The following STAB1 variants were observed in gnomAD, a reference collection of about 807,000 sequenced individuals.
STAB1 encodes stabilin 1.
STAB1 carries 250 observed loss-of-function variants against 332.4 expected under a neutral mutation model. The observed-to-expected ratio is 0.75, with a 90% CI of 0.68 to 0.84. The LOEUF is 0.84. STAB1 is among the 40% of genes least tolerant of loss of function. STAB1 has a pLI of 0.00. For synonymous variants in STAB1, 1,475 were observed against 1,390.4 expected (o/e 1.06, Z -1.35); for missense variants, 3,249 against 3,489.7 (o/e 0.93, Z 1.74).
chr3:52,517,330 C>T lies in STAB1; in HGVS notation c.4500C>T (p.Ser1500=). ...GDGELCQEIN[S]CLIHHGGCHI... is the part of the protein sequence containing the mutation. ...TGTCTCTTCCCCCAGAAATTAACAG[C>T]TGTCTCATCCACCACGGGGGCTGCC... The change falls in exon 43 of 69, where the codon AGC becomes AGT. Residue 1500 remains serine, a synonymous_variant. Transcript: ENST00000321725. 1 of 1,587,388 alleles carries T rather than the reference C, an allele frequency of 6.3e-7. No individual in the cohort carries two copies. The highest frequency in any genetic ancestry group is 8.6e-7 in the Non-Finnish European group (1 of 1,169,348).
Position 52,518,301 on chromosome 3 carries a change from C to T in STAB1, c.4762-11C>T, listed in dbSNP as rs753111530. On this transcript the variant is annotated splice_polypyrimidine_tract_variant and intron_variant, in intron 45 of 68. Transcript: ENST00000321725. Reference sequence around the variant, plus strand: ...GCCGCCCCAAATCTGAGCTGACCCTCGCCCCCCCAGGAGCTCCTGAGGGAT... The same window carrying T: ...GCCGCCCCAAATCTGAGCTGACCCTTGCCCCCCCAGGAGCTCCTGAGGGAT... The T allele has an allele frequency of 5.0e-6, 8 of 1,612,518 alleles. No homozygotes were observed. The Admixed American group carries it at 6.7e-5, about 13-fold the overall frequency.
intron 10 of STAB1, 97 bp downstream of exon 10, chr3:52,504,252 C>T: frequency 6.6e-7 from 1 of 1,510,442 alleles, no homozygotes; most frequent in Non-Finnish European, 8.9e-7. Flanking sequence ...AGTTTCTCTG[C>T]CCAGGGCTGT....
Position 52,501,659 on chromosome 3 carries a change from C to A in STAB1, c.237C>A (p.Gly79=). The A allele has an allele frequency of 6.4e-7, 1 of 1,569,870 alleles. No homozygotes were observed. Among genetic ancestry groups the A allele is most frequent in the Non-Finnish European group, 8.6e-7 (1 of 1,158,380 alleles). The change falls in exon 3 of 69, where the codon GGC becomes GGA. Residue 79 remains glycine (G), a synonymous_variant. Transcript: ENST00000321725. ...QDCRYEVQLG[G]SMVSMSGCRR... ...CCAGCTACGAAGTACAGCTGGGGGGCTCTATGGTGTCCATGAGCGGCTGCA... is the reference window on the plus strand; with the variant it reads ...CCAGCTACGAAGTACAGCTGGGGGGATCTATGGTGTCCATGAGCGGCTGCA...
At position 52,522,342 on chromosome 3, in the gene STAB1, TG is replaced by T; in HGVS notation, c.6479del (p.Cys2160LeufsTer8). ...CLSTGLNTRR[C>X]ECHAGYVGDG... is the part of the protein sequence containing the mutation. ...TCTCCAACCCCAGAACACACGGCGC[TG>T]TGAGTGCCACGCAGGCTACGTAGGC... On this transcript the variant is annotated frameshift_variant, in exon 60 of 69. Coordinates refer to ENST00000321725, the MANE Select transcript of STAB1 (RefSeq NM_015136.3). LOFTEE classifies it high-confidence loss of function. The T allele has an allele frequency of 6.2e-7, 1 of 1,612,958 alleles. No homozygotes were observed. Among genetic ancestry groups the T allele is most frequent in the Non-Finnish European group, 8.5e-7 (1 of 1,179,996 alleles).
Position 52,520,622 on chromosome 3 carries a change from T to C in STAB1, c.5650-20T>C. 13 of 1,612,842 alleles carry C rather than the reference T, an allele frequency of 8.1e-6. No individual in the cohort carries two copies. Among genetic ancestry groups the C allele is most frequent in the Non-Finnish European group, 1.1e-5 (13 of 1,180,000 alleles). On this transcript the variant is annotated intron_variant, in intron 53 of 68. Coordinates refer to ENST00000321725, the MANE Select transcript of STAB1 (RefSeq NM_015136.3). ...TGTCCATCCACCTGACTTTGCTGTA[T>C]TGGCCTCCCTCCCTTCCAGAACACC...
At chr3:52,512,059 T>C (rs1709335079) in intron 26 of STAB1, among the ~76,000 whole-genome samples, 1 of 152,260 alleles carries the variant, frequency 6.6e-6, no homozygotes, top group African/African-American at 2.4e-5. Context: ...TAGCTCCTCC[T>C]GCTCTCAGCT....
intron 25 of STAB1, 127 bp from the exon 26 acceptor site, chr3:52,511,523 G>A (rs1709296375): frequency 2.8e-6 from 2 of 723,966 alleles, no homozygotes; most frequent in Non-Finnish European, 4.5e-6. Flanking sequence ...GAGGAGGGCT[G>A]GGAGAAGTTC....
rs1308708001 is a variant in STAB1 at position 52,518,868 on chromosome 3, A to G, written c.5033A>G (p.Glu1678Gly). The change falls in exon 48 of 69, where the codon GAG becomes GGG. Residue 1678 changes from glutamate to glycine, a missense_variant and splice_region_variant. By Grantham distance (98) the Glu-to-Gly change is moderately conservative (BLOSUM62 -2). Coordinates refer to ENST00000321725, the MANE Select transcript of STAB1 (RefSeq NM_015136.3). ...SGHPLRFSER[E>G]GSIYLNDFAR... ...CACCCACTGCGCTTCAGCGAGAGGG[A>G]GGTGAGCCCTGGCCCTGGCCTGCCC... is the stretch of plus-strand genomic sequence containing the variant. 2 of 1,576,214 alleles carry G rather than the reference A, an allele frequency of 1.3e-6. No homozygotes were observed. The highest frequency in any genetic ancestry group is 1.4e-5 in the African/African-American group (1 of 73,634).
In STAB1 at chr3:52,521,507, C is replaced by G. The variant is rs764395083; in HGVS notation, c.6055C>G (p.Gln2019Glu). ...CAPGAFGPHC[Q>E]ACRCTVHGRC... ...TCCTGGTGCCTTTGGGCCCCATTGTCAAGGTGGGCCATCCCTGCCTGCCCC... is the reference window on the plus strand; with the variant it reads ...TCCTGGTGCCTTTGGGCCCCATTGTGAAGGTGGGCCATCCCTGCCTGCCCC... The change falls in exon 56 of 69, where the codon CAA becomes GAA. Residue 2019 changes from glutamine to glutamate, a missense_variant. Physicochemically the swap from Gln to Glu is conservative, Grantham distance 29. Coordinates refer to ENST00000321725, the MANE Select transcript of STAB1 (RefSeq NM_015136.3). The G allele has an allele frequency of 9.3e-6, 15 of 1,613,882 alleles. No individual in the cohort carries two copies.
chr3:52,511,636 C>T lies in STAB1; in HGVS notation c.2788-14C>T. 6.2e-7 allele frequency: 1 copy of T among 1,605,684 alleles called. No individual in the cohort carries two copies. Among genetic ancestry groups the T allele is most frequent in the Non-Finnish European group, 8.5e-7 (1 of 1,175,500 alleles). On this transcript the variant is annotated splice_polypyrimidine_tract_variant and intron_variant, in intron 25 of 68. Coordinates refer to ENST00000321725, the MANE Select transcript of STAB1 (RefSeq NM_015136.3). ...TCATCATGAGACAAGGCCGTCTGTT[C>T]CTAACCTTTCCAGAGCCGATGCACC...
At chr3:52,508,696 C>A (rs1472636865) in intron 21 of STAB1, among the ~76,000 whole-genome samples, 1 of 152,098 alleles carries the variant, frequency 6.6e-6, no homozygotes, top group Non-Finnish European at 1.5e-5. Context: ...ATGGCACACA[C>A]CTGTAATCCC....
At chr3:52,505,224 G>A (rs1708761267) in intron 13 of STAB1, 81 bp downstream of exon 13, 1 of 1,604,288 alleles carries the variant, frequency 6.2e-7, no homozygotes, top group African/African-American at 1.3e-5. Flanking sequence ...GTGGGCAGGA[G>A]CCATTCTACT....
Position 52,515,033 on chromosome 3 carries a change from C to A in STAB1, c.3852C>A (p.Gly1284=). The A allele has an allele frequency of 6.2e-7, 1 of 1,613,528 alleles. No homozygotes were observed. The highest frequency in any genetic ancestry group is 1.1e-5 in the South Asian group (1 of 91,088). ...NCTRRFRCTQ[G]FQLQDTPRKS... ...CCAGGAGATTCCGCTGCACTCAGGGCTTCCAGCTGCAGGTGAGACTGGGCT... is the reference window on the plus strand; with the variant it reads ...CCAGGAGATTCCGCTGCACTCAGGGATTCCAGCTGCAGGTGAGACTGGGCT... The change falls in exon 36 of 69, where the codon GGC becomes GGA. Residue 1284 remains glycine, a synonymous_variant. Coordinates refer to ENST00000321725, the MANE Select transcript of STAB1 (RefSeq NM_015136.3).
intron 55 of STAB1, 31 bp from the exon 56 acceptor site, chr3:52,521,330 C>A (rs371764474): frequency 1.2e-6 from 2 of 1,612,764 alleles, no homozygotes; most frequent in African/African-American, 2.7e-5. Context: ...GAGCCCCTGG[C>A]CCCACCTCAC....
At position 52,501,625 on chromosome 3, in the gene STAB1, C is replaced by T; in HGVS notation, c.216-13C>T. The T allele has an allele frequency of 6.5e-7, 1 of 1,548,868 alleles. No homozygotes were observed. On this transcript the variant is annotated splice_polypyrimidine_tract_variant and intron_variant, in intron 2 of 68. Transcript: ENST00000321725. ...GAGCCTTTTCCATCACCCTGCCCACCCTCTGCCCCCAGCTACGAAGTACAG... is the reference window on the plus strand; with the variant it reads ...GAGCCTTTTCCATCACCCTGCCCACTCTCTGCCCCCAGCTACGAAGTACAG...
In STAB1 at chr3:52,504,049, G is replaced by C. The variant is rs1202380032; in HGVS notation, c.1044G>C (p.Glu348Asp). 6.3e-7 allele frequency: 1 copy of C among 1,594,418 alleles called. No individual in the cohort carries two copies. Among genetic ancestry groups the C allele is most frequent in the African/African-American group, 1.3e-5 (1 of 74,562 alleles). Residue 348 changes from glutamate (E) to aspartate (D), a missense_variant, in exon 10 of 69, where the codon GAG becomes GAC. By Grantham distance (45) the Glu-to-Asp change is conservative. Coordinates refer to ENST00000321725, the MANE Select transcript of STAB1 (RefSeq NM_015136.3). ...CCAGCTGTGTGTGCAGGGAAAGCGA[G>C]GTGGGGGATGGGCGTGCCTGCTACG... Reference protein sequence around the residue: ...GKTSCVCRESEVGDGRACYGH... With the variant: ...GKTSCVCRESDVGDGRACYGH...
In STAB1 at chr3:52,515,526, C is replaced by T. The variant is rs1473334483; in HGVS notation, c.3948+20C>T. 5.0e-6 allele frequency: 8 copies of T among 1,612,358 alleles called. No individual in the cohort carries two copies. The highest frequency in any genetic ancestry group is 5.1e-6 in the Non-Finnish European group (6 of 1,179,708). On this transcript the variant is annotated intron_variant, in intron 37 of 68. Transcript: ENST00000321725. ...ATCCAGGTTTGCCCTGAAGCCCCCA[C>T]CCCAAGCCTGTCCAGAGAGAAGGAG... is the stretch of plus-strand genomic sequence containing the variant.
At chr3:52,503,297 G>A (rs368589298) in intron 7 of STAB1, 47 bp from the exon 8 acceptor site, 1 of 1,564,268 alleles carries the variant, frequency 6.4e-7, no homozygotes, top group African/African-American at 1.4e-5. Flanking sequence ...GCGGAGACAG[G>A]GCTCCTGGGT....
In STAB1 at chr3:52,524,359, A is replaced by C. The variant is rs2079198299; in HGVS notation, c.*3A>C. 6.2e-7 allele frequency: 1 copy of C among 1,613,722 alleles called. No homozygotes were observed. The highest frequency in any genetic ancestry group is 2.2e-5 in the East Asian group (1 of 44,870). ...AGAGGATCCTCACAGTCAAGTGACG[A>C]GGCTGGGGCTGAAAGCAGAAGCATG... On this transcript the variant is annotated 3_prime_UTR_variant, in exon 69 of 69. Transcript: ENST00000321725.
Sources: gnomAD v4.1 joint callset for allele counts (sites outside exome capture counted in the v4.1 genomes callset) on GRCh38, gnomAD v4.1.1 for gene constraint, MANE v1.5 for transcripts, NCBI Gene and HGNC (gene_info 2026-07-23, HGNC 2026-07-21) for gene names.